The following DSE variants were observed in gnomAD, a reference collection of about 807,000 sequenced individuals.
DSE encodes dermatan sulfate epimerase.
A neutral mutation model predicts 84.4 loss-of-function variants in DSE; 36 were observed. That is an observed-to-expected ratio of 0.43 (90% CI 0.33 to 0.56). DSE has a LOEUF of 0.56. DSE is among the 20% of genes least tolerant of loss of function. DSE has a pLI of 0.06. For synonymous variants in DSE, 410 were observed against 430.1 expected (o/e 0.95, Z 0.58); for missense variants, 862 against 1,169.6 (o/e 0.74, Z 3.84).
chr6:116,423,537 C>T (rs1783230897), intron 2 of DSE, among the ~76,000 whole-genome samples: 1 of 152,172 alleles, frequency 6.6e-6, no homozygotes, highest in Non-Finnish European at 1.5e-5. Flanking sequence ...AATCTGTGTA[C>T]ACATGGATAT....
chr6:116,380,895 C>T (rs1268170502), intron 1 of DSE, among the ~76,000 whole-genome samples: 1 of 152,166 alleles, frequency 6.6e-6, no homozygotes, highest in African/African-American at 2.4e-5. Context: ...TCTTACCGAC[C>T]CTTTTTTAAT....
At chr6:116,407,558 C>T (rs1451233079) in intron 2 of DSE, among the ~76,000 whole-genome samples, 1 of 152,148 alleles carries the variant, frequency 6.6e-6, no homozygotes, top group East Asian at 1.9e-4. Flanking sequence ...GCCATATCTG[C>T]TCATTCTTAC....
At position 116,409,840 on chromosome 6, in the gene DSE, G is replaced by A. The variant is rs144710257; in HGVS notation, c.416+10174G>A. ...GAAGGCTTTCCTGCTGAGTCCTGAAGGACAGATAGGAACCAGCCACGTGAA... is the reference window on the plus strand; with the variant it reads ...GAAGGCTTTCCTGCTGAGTCCTGAAAGACAGATAGGAACCAGCCACGTGAA... On this transcript the variant is annotated intron_variant, in intron 2 of 5. Coordinates refer to ENST00000644252, the MANE Select transcript of DSE (RefSeq NM_013352.4). Among the ~76,000 whole-genome samples, 893 of 152,274 alleles carry A rather than the reference G, an allele frequency of 5.9e-3. 7 individuals are homozygous for A. Among genetic ancestry groups the A allele is most frequent in the Non-Finnish European group, 9.4e-3 (640 of 68,018 alleles).
At chr6:116,366,008 C>T (rs1450827047), upstream of DSE, 2 of 152,244 alleles carry the variant, frequency 1.3e-5, no homozygotes, top group African/African-American at 2.4e-5. Context: ...GGGTGTATCT[C>T]TCATTGACAG....
chr6:116,414,353 A>G (rs529664095), intron 2 of DSE, among the ~76,000 whole-genome samples: 2 of 152,328 alleles, frequency 1.3e-5, no homozygotes, highest in African/African-American at 2.4e-5. Flanking sequence ...TTTCATTACA[A>G]TATAGATCTG....
At chr6:116,297,980 G>A (rs1250802908) in intron 2 of DSE, among the ~76,000 whole-genome samples, 1 of 152,152 alleles carries the variant, frequency 6.6e-6, no homozygotes, top group African/African-American at 2.4e-5. Flanking sequence ...GTTAAAACTG[G>A]CTAGTCTCAA....
intron 1 of DSE, among the ~76,000 whole-genome samples, chr6:116,392,904 C>G (rs1781001735): frequency 1.3e-5 from 2 of 152,150 alleles, no homozygotes; most frequent in African/African-American, 4.8e-5. Context: ...TAAGTAGCAT[C>G]TCATCTCCAG....
At position 116,440,226 on chromosome 6, in the gene DSE, A is replaced by G. The variant is rs1434173377; in HGVS notation, c.*2881A>G. ...AGGTTATCAGAAAATATGTCTTAAC[A>G]GAATGTTTTGCATACTGAATAATTT... On this transcript the variant is annotated 3_prime_UTR_variant, in exon 6 of 6. Coordinates refer to ENST00000644252, the MANE Select transcript of DSE (RefSeq NM_013352.4). 2 of 152,204 alleles carry G rather than the reference A, an allele frequency of 1.3e-5. No individual in the cohort carries two copies. The highest frequency in any genetic ancestry group is 1.9e-4 in the East Asian group (1 of 5,202). 9.4% of individuals were successfully genotyped at this position (152,204 alleles called of 1,614,324 possible).
intron 2 of DSE, among the ~76,000 whole-genome samples, chr6:116,261,852 A>G (rs1299294827): frequency 6.6e-6 from 1 of 152,210 alleles, no homozygotes; most frequent in Non-Finnish European, 1.5e-5. Context: ...TATTGATATA[A>G]TCATATGGTT....
chr6:116,408,036 A>T (rs1288460881), intron 2 of DSE, among the ~76,000 whole-genome samples: 1 of 152,190 alleles, frequency 6.6e-6, no homozygotes, highest in Non-Finnish European at 1.5e-5. Flanking sequence ...CTCCAACCCT[A>T]TCCAGACTGT....
At chr6:116,435,440 C>G in intron 5 of DSE, 147 bp from the exon 6 acceptor site, 1 of 748,712 alleles carries the variant, frequency 1.3e-6, no homozygotes, top group Non-Finnish European at 2.1e-6. Flanking sequence ...ACTGGTTGTC[C>G]TTGGATATTT....
intron 2 of DSE, among the ~76,000 whole-genome samples, chr6:116,265,100 T>TGCCATGCTAGCAGGC (rs978068967): frequency 3.9e-5 from 6 of 152,016 alleles, no homozygotes; most frequent in African/African-American, 7.3e-5. Flanking sequence ...TGCTAGCAGG[T>TGCCATGCTAGCAGGC]GCCATGCTAG....
intron 2 of DSE, among the ~76,000 whole-genome samples, chr6:116,420,085 A>C (rs529535280): frequency 6.6e-6 from 1 of 152,282 alleles, no homozygotes; most frequent in East Asian, 1.9e-4. Context: ...TTATAAAGGG[A>C]ATTATGAGTT....
intron 1 of DSE, among the ~76,000 whole-genome samples, chr6:116,377,333 T>G (rs940562822): frequency 2.0e-5 from 3 of 152,142 alleles, no homozygotes. Context: ...TCACCAAGCT[T>G]GTGGGTCTGT....
intron 2 of DSE, among the ~76,000 whole-genome samples, chr6:116,415,205 T>C (rs1425595522): frequency 6.6e-6 from 1 of 152,196 alleles, no homozygotes; most frequent in South Asian, 2.1e-4. Flanking sequence ...GTTTAAAGGG[T>C]AGCTTGGCTG....
At chr6:116,275,843 T>C (rs1773116592) in intron 2 of DSE, among the ~76,000 whole-genome samples, 1 of 148,044 alleles carries the variant, frequency 6.8e-6, no homozygotes, top group Admixed American at 6.7e-5. Context: ...CCATGTAAAA[T>C]GCACTGCATC....
At chr6:116,352,456 A>G (rs544493965) in intron 2 of DSE, among the ~76,000 whole-genome samples, 19 of 152,200 alleles carry the variant, frequency 1.2e-4, no homozygotes, top group Non-Finnish European at 2.8e-4. Context: ...GAATTTGCAT[A>G]GGTTATTGAT....
At chr6:116,428,041 T>G (rs1251369869) in intron 3 of DSE, among the ~76,000 whole-genome samples, 2 of 152,078 alleles carry the variant, frequency 1.3e-5, no homozygotes, top group African/African-American at 4.8e-5. Flanking sequence ...ATACAAAAAT[T>G]AGCTGGGCGT....
chr6:116,353,532 T>C (rs754776761), intron 2 of DSE, among the ~76,000 whole-genome samples: 3 of 152,204 alleles, frequency 2.0e-5, no homozygotes, highest in East Asian at 3.8e-4. Context: ...CTAGCTACCA[T>C]TGAGCATTTA....
Sources: allele counts gnomAD v4.1 joint callset (sites outside exome capture counted in the v4.1 genomes callset), GRCh38; gene constraint gnomAD v4.1.1; transcripts MANE v1.5; gene names NCBI Gene and HGNC (gene_info 2026-07-23, HGNC 2026-07-21).